The following PANX2 variants were observed in gnomAD, a reference collection of about 807,000 sequenced individuals.
PANX2 encodes pannexin-2.
Under a neutral mutation model 38.7 loss-of-function variants are expected in PANX2, and 30 were observed. That is an observed-to-expected ratio of 0.78 (90% CI 0.58 to 1.05). The LOEUF (loss-of-function observed/expected upper bound fraction) is 1.05. PANX2 is among the 50% of genes least tolerant of loss of function. The probability of loss-of-function intolerance (pLI) is 0.00; values close to 1 mark genes in which losing one functional copy is unlikely to be tolerated. For missense variants in PANX2, 880 were observed against 979.3 expected, an observed-to-expected ratio of 0.90 and a Z score of 1.35; for synonymous variants, 539 against 472.1, an observed-to-expected ratio of 1.14 and a Z score of -1.84.
At chr22:50,171,324 G>A (rs1273704408) in intron 1 of PANX2, among the ~76,000 whole-genome samples, 2 of 152,198 alleles carry the variant, frequency 1.3e-5, no homozygotes, top group African/African-American at 2.4e-5. Context: ...AGGAAAGGCC[G>A]GGATGGGTGT....
intron 1 of PANX2, among the ~76,000 whole-genome samples, chr22:50,173,170 A>G (rs1178613414): frequency 6.6e-6 from 1 of 151,072 alleles, no homozygotes; most frequent in African/African-American, 2.5e-5. Flanking sequence ...TGCTGGGATT[A>G]CAGGCGTTGA....
Position 50,178,381 on chromosome 22 carries a change from C to T in PANX2, c.1669C>T (p.Leu557=), listed in dbSNP as rs1373504661. 7.0e-7 allele frequency: 1 copy of T among 1,435,840 alleles called. No individual in the cohort carries two copies. Among genetic ancestry groups the T allele is most frequent in the Middle Eastern group, 2.5e-4 (1 of 3,970 alleles). The allele number at this position is 1,435,840 out of a possible 1,614,324, so 88.9% of individuals were successfully genotyped here. The part of the protein sequence containing the change: ...LSQAEDCGLG[L]APAPIKDAPL... ...CCAGGCGGAGGACTGTGGGCTAGGCCTGGCCCCGGCGCCCATCAAAGGTAG... is the reference window on the plus strand; with the variant it reads ...CCAGGCGGAGGACTGTGGGCTAGGCTTGGCCCCGGCGCCCATCAAAGGTAG... Residue 557 remains leucine (L), a synonymous_variant, in exon 2 of 3, where the codon CTG becomes TTG. Transcript: ENST00000395842.
chr22:50,176,494 C>T (rs532492963), intron 1 of PANX2, among the ~76,000 whole-genome samples: 3 of 148,596 alleles, frequency 2.0e-5, no homozygotes, highest in Middle Eastern at 7.2e-3. Flanking sequence ...CTGAGCCAAC[C>T]GCCTTCCTCC....
rs568469757 is a variant in PANX2 at position 50,172,951 on chromosome 22, T to C, written c.226+1995T>C. ...TCGCTCTGTCACCCAGGCTGGAGTATAGTGGCGCGATCTCTGCTCACTGCA... is the reference window on the plus strand; with the variant it reads ...TCGCTCTGTCACCCAGGCTGGAGTACAGTGGCGCGATCTCTGCTCACTGCA... On this transcript the variant is annotated intron_variant, in intron 1 of 2. Coordinates refer to ENST00000395842, the MANE Select transcript of PANX2 (RefSeq NM_052839.4). Among the ~76,000 whole-genome samples, 503 of 143,426 alleles carry C rather than the reference T, an allele frequency of 3.5e-3. 4 individuals are homozygous for C. Among genetic ancestry groups the C allele is most frequent in the South Asian group, 0.012 (49 of 4,170 alleles). 94.1% of individuals were successfully genotyped at this position (143,426 alleles called of 152,430 possible).
At chr22:50,174,636 G>A (rs1168237921) in intron 1 of PANX2, among the ~76,000 whole-genome samples, 1 of 152,240 alleles carries the variant, frequency 6.6e-6, no homozygotes, top group Non-Finnish European at 1.5e-5. Context: ...TGTCTGCCCT[G>A]TTGGATGGGC....
At chr22:50,176,852 G>A in intron 1 of PANX2, 87 bp from the exon 2 acceptor site, 1 of 1,370,368 alleles carries the variant, frequency 7.3e-7, no homozygotes, top group Non-Finnish European at 9.6e-7. Context: ...GAGGGGTTCG[G>A]CAGGGACGCG....
Position 50,179,271 on chromosome 22 carries a change from G to A in PANX2, c.2028G>A (p.Glu676=), listed in dbSNP as rs1364329093. 6.2e-7 allele frequency: 1 copy of A among 1,612,122 alleles called. No homozygotes were observed. The highest frequency in any genetic ancestry group is 8.5e-7 in the Non-Finnish European group (1 of 1,179,544). The change falls in exon 3 of 3, where the codon GAG becomes GAA. Residue 676 remains glutamate (E), a synonymous_variant. Coordinates refer to ENST00000395842, the MANE Select transcript of PANX2 (RefSeq NM_052839.4). ...CGAGAACGGTCGTGAGTACTGTGGA[G>A]TTTTGAGGGATGGCACCGTCCAGGC... is the stretch of plus-strand genomic sequence containing the variant. ...DEPRTVVSTV[E]F
intron 1 of PANX2, among the ~76,000 whole-genome samples, chr22:50,176,203 A>G (rs1224984730): frequency 6.6e-6 from 1 of 152,256 alleles, no homozygotes; most frequent in East Asian, 1.9e-4. Flanking sequence ...CGTTCGTGTC[A>G]TTGTCACCTG....
chr22:50,179,006 C>A lies in PANX2; in HGVS notation c.1763C>A (p.Pro588Gln), dbSNP rs375447256. 1.2e-6 allele frequency: 2 copies of A among 1,609,818 alleles called. No homozygotes were observed. The highest frequency in any genetic ancestry group is 2.7e-5 in the African/African-American group (2 of 74,866). Residue 588 changes from proline (P) to glutamine (Q), a missense_variant, in exon 3 of 3, where the codon CCG becomes CAG. By Grantham distance (76) the Pro-to-Gln change is moderately conservative (BLOSUM62 -1). This residue lies in a region of PANX2 where 445 missense variants were observed against 404.3 expected (regional missense o/e 1.10). Transcript: ENST00000395842. ...PARAGLPSGG[P>Q]FHVRSPPAAP... ...CGGGCAGGGCTTCCCTCGGGGGGCC[C>A]GTTCCACGTCCGCTCACCTCCCGCC...
chr22:50,179,437 C>G lies in PANX2; in HGVS notation c.*160C>G, dbSNP rs934240885. ...CGCATGCCTGGGGCCTTCGCCCCCA[C>G]GTGCTCGACAGGGGAACCCGCCCGG... is the stretch of plus-strand genomic sequence containing the variant. On this transcript the variant is annotated 3_prime_UTR_variant, in exon 3 of 3. Transcript: ENST00000395842. 6 of 676,012 alleles carry G rather than the reference C, an allele frequency of 8.9e-6. No individual in the cohort carries two copies. Among genetic ancestry groups the G allele is most frequent in the Middle Eastern group, 4.1e-4 (1 of 2,458 alleles). The allele number at this position is 676,012 out of a possible 1,614,324, so 41.9% of individuals were successfully genotyped here. A position where few individuals can be genotyped will look rare whatever the true frequency, so the allele number is the denominator to read the frequency against.
In PANX2 at chr22:50,179,470, C is replaced by G; in HGVS notation, c.*193C>G. 1 of 576,878 alleles carries G rather than the reference C, an allele frequency of 1.7e-6. No homozygotes were observed. The highest frequency in any genetic ancestry group is 3.0e-6 in the Non-Finnish European group (1 of 331,178). 35.7% of individuals were successfully genotyped at this position (576,878 alleles called of 1,614,324 possible). ...ACAGGGGAACCCGCCCGGACGGCATCGCCAGGCACTGGCTGGGGTGGGGAA... is the reference window on the plus strand; with the variant it reads ...ACAGGGGAACCCGCCCGGACGGCATGGCCAGGCACTGGCTGGGGTGGGGAA... On this transcript the variant is annotated 3_prime_UTR_variant, in exon 3 of 3. Coordinates refer to ENST00000395842, the MANE Select transcript of PANX2 (RefSeq NM_052839.4).
chr22:50,178,509 G>T, intron 2 of PANX2, 107 bp downstream of exon 2: 1 of 740,924 alleles, frequency 1.3e-6, no homozygotes, highest in Non-Finnish European at 2.0e-6. Flanking sequence ...AAGGGAGGGG[G>T]CCTGGCTTGA....
chr22:50,179,458 C>A lies in PANX2; in HGVS notation c.*181C>A, dbSNP rs898267438. On this transcript the variant is annotated 3_prime_UTR_variant, in exon 3 of 3. Coordinates refer to ENST00000395842, the MANE Select transcript of PANX2 (RefSeq NM_052839.4). ...CCCACGTGCTCGACAGGGGAACCCG[C>A]CCGGACGGCATCGCCAGGCACTGGC... 3 of 597,176 alleles carry A rather than the reference C, an allele frequency of 5.0e-6. No individual in the cohort carries two copies. Among genetic ancestry groups the A allele is most frequent in the East Asian group, 3.1e-5 (1 of 32,628 alleles). 37.0% of individuals were successfully genotyped at this position (597,176 alleles called of 1,614,324 possible).
In PANX2 at chr22:50,178,238, A is replaced by T. The variant is rs1569068954; in HGVS notation, c.1526A>T (p.His509Leu). The change falls in exon 2 of 3, where the codon CAC (histidine) becomes CTC (leucine). Residue 509 changes from histidine to leucine, a missense_variant. By Grantham distance (99) the His-to-Leu change is moderately conservative. This residue lies in a region of PANX2 where 445 missense variants were observed against 404.3 expected (regional missense o/e 1.10). Coordinates refer to ENST00000395842, the MANE Select transcript of PANX2 (RefSeq NM_052839.4). ...PAPPPAPDKK[H>L]ARHFSLDVHP... is the part of the protein sequence containing the mutation. ...CCGCCGCCCGCCCCTGACAAGAAGC[A>T]CGCGCGCCACTTCTCCCTGGACGTG... The T allele has an allele frequency of 1.4e-6, 2 of 1,411,872 alleles. No homozygotes were observed. Among genetic ancestry groups the T allele is most frequent in the African/African-American group, 1.6e-5 (1 of 64,034 alleles). 87.5% of individuals were successfully genotyped at this position (1,411,872 alleles called of 1,614,324 possible).
intron 1 of PANX2, among the ~76,000 whole-genome samples, chr22:50,171,285 A>C (rs1309142519): frequency 6.6e-6 from 1 of 152,096 alleles, no homozygotes; most frequent in Non-Finnish European, 1.5e-5. Flanking sequence ...GCAGCGCCTG[A>C]GGGGATGCAG....
In PANX2 at chr22:50,175,015, G is replaced by A. The variant is rs1282650563; in HGVS notation, c.227-1924G>A. On this transcript the variant is annotated intron_variant, in intron 1 of 2. Transcript: ENST00000395842. ...CATGCCTTGGGGCCCCCAAAGGGCC[G>A]GGCCGGTCACCTGCAGTGAGTCAAG... Among the ~76,000 whole-genome samples the A allele has an allele frequency of 3.9e-5, 6 of 152,186 alleles. No homozygotes were observed. In the East Asian group the frequency reaches 5.8e-4, roughly 15 times the overall value.
Position 50,178,279 on chromosome 22 carries a change from G to C in PANX2, c.1567G>C (p.Gly523Arg). The C allele has an allele frequency of 2.7e-6, 4 of 1,502,880 alleles. No homozygotes were observed. Among genetic ancestry groups the C allele is most frequent in the Non-Finnish European group, 3.5e-6 (4 of 1,127,728 alleles). The allele number at this position is 1,502,880 out of a possible 1,614,324, so 93.1% of individuals were successfully genotyped here. A position where few individuals can be genotyped will look rare whatever the true frequency, so the allele number is the denominator to read the frequency against. ...CCTGGACGTGCACCCCTACATCCTC[G>C]GCACCAAGAAGGCCAAGGCCGAGGC... ...FSLDVHPYILGTKKAKAEAVP... is the reference protein window; with the variant it reads ...FSLDVHPYILRTKKAKAEAVP... Residue 523 changes from glycine to arginine, a missense_variant, in exon 2 of 3, where the codon GGC (glycine) becomes CGC (arginine). Around this residue, in one of 4 missense-constraint regions of PANX2, gnomAD observed 445 missense variants for 404.3 expected, o/e 1.10. Coordinates refer to ENST00000395842, the MANE Select transcript of PANX2 (RefSeq NM_052839.4).
Position 50,178,120 on chromosome 22 carries a change from G to C in PANX2, c.1408G>C (p.Asp470His). ...PKPARRKTAT[D>H]TLIAPLLDRS... ...GCCCGCGCGCAGGAAGACGGCCACGGACACGCTGATCGCGCCGCTGCTGGA... is the reference window on the plus strand; with the variant it reads ...GCCCGCGCGCAGGAAGACGGCCACGCACACGCTGATCGCGCCGCTGCTGGA... The change falls in exon 2 of 3, where the codon GAC (aspartate) becomes CAC (histidine). Residue 470 changes from aspartate to histidine, a missense_variant. Asp to His is a moderately conservative substitution (Grantham distance 81). Transcript: ENST00000395842. The C allele has an allele frequency of 6.5e-7, 1 of 1,540,480 alleles. No homozygotes were observed. Among genetic ancestry groups the C allele is most frequent in the Non-Finnish European group, 8.7e-7 (1 of 1,152,228 alleles).
At position 50,177,510 on chromosome 22, in the gene PANX2, C is replaced by T. The variant is rs35622534; in HGVS notation, c.798C>T (p.Asp266=). ...EFTCALGASP[D]GAAGAGPAVR... is the part of the protein sequence containing the mutation. ...CCTGCGCGCTGGGCGCGTCCCCGGACGGGGCGGCAGGTGCGGGGCCCGCGG... is the reference window on the plus strand; with the variant it reads ...CCTGCGCGCTGGGCGCGTCCCCGGATGGGGCGGCAGGTGCGGGGCCCGCGG... The change falls in exon 2 of 3, where the codon GAC becomes GAT. Residue 266 remains aspartate, a synonymous_variant. Coordinates refer to ENST00000395842, the MANE Select transcript of PANX2 (RefSeq NM_052839.4). 1.0e-4 allele frequency: 166 copies of T among 1,609,484 alleles called. No individual in the cohort carries two copies. Among genetic ancestry groups the T allele is most frequent in the Non-Finnish European group, 1.4e-4 (160 of 1,178,336 alleles).
Sources: allele counts gnomAD v4.1 joint callset (sites outside exome capture counted in the v4.1 genomes callset), GRCh38; gene constraint gnomAD v4.1.1; regional missense constraint gnomAD v4.1.1; transcripts MANE v1.5; gene names NCBI Gene and HGNC (gene_info 2026-07-23, HGNC 2026-07-21).